C10orf90: variants seen among roughly 807,000 people sequenced by gnomAD.
The protein encoded by C10orf90 is (E2-independent) E3 ubiquitin-conjugating enzyme FATS.
A neutral mutation model predicts 62.5 loss-of-function variants in C10orf90; 56 were observed. The ratio of observed to expected loss-of-function variants is 0.90; its 90% CI spans 0.72 to 1.12. C10orf90 has a LOEUF of 1.12. C10orf90 is among the 50% of genes most tolerant of loss of function. The probability of loss-of-function intolerance (pLI) is 0.00; values close to 1 mark genes in which losing one functional copy is unlikely to be tolerated. For synonymous variants in C10orf90, 386 were observed against 340.4 expected (o/e 1.13, Z -1.47); for missense variants, 970 against 880.4 (o/e 1.10, Z -1.29).
chr10:126,521,336 CA>C, intron 2 of C10orf90: 1 of 1,614,052 alleles, frequency 6.2e-7, no homozygotes, highest in Non-Finnish European at 8.5e-7. Context: ...ACTGAGGTTT[CA>C]AAGCCATTTT....
intron 2 of C10orf90, among the ~76,000 whole-genome samples, chr10:126,639,389 A>G (rs1564904214): frequency 6.6e-6 from 1 of 152,134 alleles, no homozygotes. Context: ...CAAAACCAAA[A>G]ACCAGTGCCA....
chr10:126,620,147 A>G (rs2133814572), intron 2 of C10orf90, among the ~76,000 whole-genome samples: 1 of 152,314 alleles, frequency 6.6e-6, no homozygotes, highest in African/African-American at 2.4e-5. Flanking sequence ...AGTTCAAGTC[A>G]GCAACATTTT....
At chr10:126,658,650 A>G (rs1359990279) in intron 1 of C10orf90, among the ~76,000 whole-genome samples, 7 of 152,228 alleles carry the variant, frequency 4.6e-5, no homozygotes, top group African/African-American at 1.2e-4. Context: ...CCACCATTAA[A>G]TAGCAAATTT....
chr10:126,426,981 C>T (rs1182699773), intron 8 of C10orf90, among the ~76,000 whole-genome samples: 3 of 152,188 alleles, frequency 2.0e-5, no homozygotes, highest in Admixed American at 1.3e-4. Flanking sequence ...CATATCGTGT[C>T]CCACTGTTAT....
chr10:126,666,552 G>C (rs891436974), intron 1 of C10orf90, among the ~76,000 whole-genome samples: 3 of 152,082 alleles, frequency 2.0e-5, no homozygotes, highest in Admixed American at 1.3e-4. Context: ...CACGAGGAGG[G>C]GTGTGGGAGA....
chr10:126,539,838 T>C (rs1165545962), intron 2 of C10orf90, among the ~76,000 whole-genome samples: 4 of 152,210 alleles, frequency 2.6e-5, no homozygotes, highest in East Asian at 1.9e-4. Context: ...AATAAAACTT[T>C]AGATGCTAGG....
In C10orf90 at chr10:126,607,901, C is replaced by T. The variant is rs145821736; in HGVS notation, c.313+38664G>A. 1.4e-3 allele frequency among the ~76,000 whole-genome samples: 211 copies of T among 152,206 alleles called. 1 individual carries two copies. The highest frequency in any genetic ancestry group is 4.9e-3 in the African/African-American group (205 of 41,542). ...AAGCCAGTCCCAAAAGGACAAATAC[C>T]GTATGATTCCACTTACATGAAGTAC... On this transcript the variant is annotated intron_variant, in intron 2 of 9. Transcript: ENST00000488181.
rs565702117 is a variant in C10orf90, at chr10:126,485,828, T to A, written c.1534+18129A>T. Among the ~76,000 whole-genome samples, 14 of 150,920 alleles carry A rather than the reference T, an allele frequency of 9.3e-5. No homozygotes were observed. The South Asian group carries it at 2.9e-3, about 32-fold the overall frequency. On this transcript the variant is annotated intron_variant, in intron 4 of 9. Coordinates refer to ENST00000488181, the MANE Select transcript of C10orf90 (RefSeq NM_001350921.2). ...CGGGCGTCGTGGTGGGCACCTGTAG[T>A]CCCAGCTACTCAGGAGGCTGAGGCA... is the stretch of plus-strand genomic sequence containing the variant.
Position 126,670,375 on chromosome 10 carries a change from C to A in C10orf90, c.106G>T (p.Glu36Ter). The A allele has an allele frequency of 4.4e-6, 2 of 456,746 alleles. No homozygotes were observed. The highest frequency in any genetic ancestry group is 8.8e-6 in the Non-Finnish European group (2 of 226,982). The allele number at this position is 456,746 out of a possible 1,614,324, so 28.3% of individuals were successfully genotyped here. ...RTFQIKTFST[E>*]LKNHVMVMDF... is the part of the protein sequence containing the mutation. ...ATGACCATCACATGGTTTTTCAACT[C>A]TGTACTAAATGTTTTTATCTGGAAA... The change falls in exon 1 of 10, where the codon GAG (glutamate) becomes TAG (stop). Residue 36 changes from glutamate to a stop codon, truncating the protein, a stop_gained. Transcript: ENST00000488181. LOFTEE classifies it high-confidence loss of function.
intron 1 of C10orf90, among the ~76,000 whole-genome samples, chr10:126,655,850 AAG>A: frequency 1.3e-5 from 2 of 151,358 alleles, no homozygotes; most frequent in Non-Finnish European, 1.5e-5. Flanking sequence ...AAAAAAAAAA[AAG>A]AAGAAGAACA....
intron 2 of C10orf90, among the ~76,000 whole-genome samples, chr10:126,607,838 T>C (rs1242514108): frequency 1.3e-5 from 2 of 152,146 alleles, no homozygotes; most frequent in Admixed American, 6.5e-5. Context: ...CTCATAACTT[T>C]TAAGAAAGTA....
chr10:126,448,219 G>A (rs1782450861), intron 7 of C10orf90, among the ~76,000 whole-genome samples: 1 of 151,506 alleles, frequency 6.6e-6, no homozygotes, highest in Admixed American at 6.6e-5. Context: ...TACAGTAACA[G>A]GAGGAATTTT....
intron 2 of C10orf90, among the ~76,000 whole-genome samples, chr10:126,544,825 A>G (rs1330772058): frequency 1.9e-5 from 2 of 104,088 alleles, no homozygotes; most frequent in African/African-American, 4.0e-5. Context: ...AATCCTGCCC[A>G]TTTGTACTGC....
chr10:126,524,831 G>A, intron 2 of C10orf90: 1 of 985,504 alleles, frequency 1.0e-6, no homozygotes, highest in African/African-American at 1.7e-5. Flanking sequence ...GAGGGAGGCA[G>A]TCTCCACTTT....
intron 2 of C10orf90, among the ~76,000 whole-genome samples, chr10:126,556,002 G>T (rs755455080): frequency 5.3e-5 from 8 of 152,208 alleles, no homozygotes; most frequent in African/African-American, 7.2e-5. Flanking sequence ...GAACACCTGT[G>T]AATTTGTGAA....
intron 2 of C10orf90, among the ~76,000 whole-genome samples, chr10:126,609,190 G>A (rs1845378007): frequency 6.6e-6 from 1 of 152,148 alleles, no homozygotes; most frequent in Non-Finnish European, 1.5e-5. Flanking sequence ...ATCACCTGAG[G>A]TCAGGAGTTT....
intron 2 of C10orf90, among the ~76,000 whole-genome samples, chr10:126,627,933 A>G (rs1845778614): frequency 1.3e-5 from 2 of 152,204 alleles, no homozygotes; most frequent in African/African-American, 2.4e-5. Flanking sequence ...GTGCTGGTTG[A>G]TTTCTCAAAA....
chr10:126,508,158 T>TGAGAGTGAGAGAGAGA (rs1862871616), intron 3 of C10orf90, among the ~76,000 whole-genome samples: 3 of 131,468 alleles, frequency 2.3e-5, no homozygotes, highest in East Asian at 2.4e-4. Context: ...AATGAGTGAG[T>TGAGAGTGAGAGAGAGA]GAGAGAGAGA....
At chr10:126,663,810 T>G (rs1234027044) in intron 1 of C10orf90, among the ~76,000 whole-genome samples, 1 of 152,194 alleles carries the variant, frequency 6.6e-6, no homozygotes, top group Non-Finnish European at 1.5e-5. Context: ...CATAGATTTC[T>G]GGATGCCACC....
Sources: allele counts gnomAD v4.1 joint callset (sites outside exome capture counted in the v4.1 genomes callset), GRCh38; gene constraint gnomAD v4.1.1; transcripts MANE v1.5; gene names NCBI Gene and HGNC (gene_info 2026-07-23, HGNC 2026-07-21).